Variants in CHD1L observed in about 807,000 individuals in gnomAD.
The protein encoded by CHD1L is chromodomain helicase DNA binding protein 1 like.
Under a neutral mutation model 115.9 loss-of-function variants are expected in CHD1L, and 118 were observed. That is an observed-to-expected ratio of 1.02 (90% confidence interval 0.88 to 1.19). The LOEUF (loss-of-function observed/expected upper bound fraction) is 1.19, where lower values mean the gene tolerates loss of function less well. Ranked by LOEUF, CHD1L falls within the 50% of genes most tolerant of loss-of-function variation. The pLI is 0.00. For synonymous variants in CHD1L, 411 were observed against 387.1 expected (o/e 1.06, Z -0.72); for missense variants, 1,179 against 1,065.3 (o/e 1.11, Z -1.49).
the CHD1L span, chr1:147,203,897 T>C: frequency 4.6e-4 from 720 of 1,575,870 alleles, 4 homozygotes; most frequent in South Asian, 5.0e-3. Context: ...ACTGTCTCAG[T>C]GTCCCATTTC....
the CHD1L span, chr1:147,190,276 T>A: frequency 7.3e-7 from 1 of 1,366,830 alleles, no homozygotes; most frequent in Non-Finnish European, 1.0e-6. Flanking sequence ...ACATTTTAAC[T>A]GTAAAATTAC....
At chr1:147,291,372 G>T in intron 19 of CHD1L, 110 bp from the exon 20 acceptor site, 1 of 852,590 alleles carries the variant, frequency 1.2e-6, no homozygotes. Context: ...GGCTGTGTAG[G>T]AAGGTGGGTC....
intron 6 of CHD1L, 36 bp downstream of exon 6, chr1:147,259,954 C>A (rs782804761): frequency 2.1e-6 from 3 of 1,457,348 alleles, no homozygotes; most frequent in East Asian, 2.3e-5. Context: ...TTTATATAAC[C>A]CCTTCTTTTT....
At chr1:147,288,844 A>G (rs1183035376) in intron 19 of CHD1L, among the ~76,000 whole-genome samples, 1 of 152,170 alleles carries the variant, frequency 6.6e-6, no homozygotes, top group East Asian at 1.9e-4. Context: ...GGGAACTTAG[A>G]AGCCTGAACA....
the CHD1L span, among the ~76,000 whole-genome samples, chr1:147,214,466 C>CAA: frequency 0.058 from 8,530 of 148,272 alleles, 304 homozygotes; most frequent in African/African-American, 0.091. Flanking sequence ...AAACAAAAAA[C>CAA]AAAAAAAAAA....
At chr1:147,242,947 G>A in intron 1 of CHD1L, 117 bp downstream of exon 1, 1 of 1,159,196 alleles carries the variant, frequency 8.6e-7, no homozygotes, top group East Asian at 3.2e-5. Context: ...CTCGCGCCAG[G>A]GCCTTCCTTC....
At chr1:147,190,990 A>C in the CHD1L span, among the ~76,000 whole-genome samples, 1 of 152,014 alleles carries the variant, frequency 6.6e-6, no homozygotes, top group African/African-American at 2.4e-5. Flanking sequence ...AGTTTAATCC[A>C]TGTCCCTACA....
At chr1:147,286,259 T>C (rs1553965541) in intron 17 of CHD1L, 39 bp from the exon 18 acceptor site, 2 of 1,590,282 alleles carry the variant, frequency 1.3e-6, no homozygotes, top group Non-Finnish European at 8.6e-7. Flanking sequence ...AAATTGTGAT[T>C]GTCTGGGTTA....
rs782403411 is a variant in CHD1L, at chr1:147,255,024, T to A, written c.347+48T>A. On this transcript the variant is annotated intron_variant, in intron 3 of 22. Coordinates refer to ENST00000369258, the MANE Select transcript of CHD1L (RefSeq NM_004284.6). ...ATTTTATTGTTTATCTTGATTAAGATTTTTTTTCTGGATGATGTATAAAAT... is the reference window on the plus strand; with the variant it reads ...ATTTTATTGTTTATCTTGATTAAGAATTTTTTTCTGGATGATGTATAAAAT... The A allele has an allele frequency of 4.4e-6, 6 of 1,370,294 alleles. No individual in the cohort carries two copies. In the Admixed American group the frequency reaches 1.5e-4, roughly 33 times the overall value. 84.9% of individuals were successfully genotyped at this position (1,370,294 alleles called of 1,614,324 possible).
At chr1:147,255,173 A>G (rs1236866451) in intron 3 of CHD1L, among the ~76,000 whole-genome samples, 197 bp downstream of exon 3, 1 of 152,224 alleles carries the variant, frequency 6.6e-6, no homozygotes, top group Non-Finnish European at 1.5e-5. Context: ...TTGGCAATTT[A>G]AAGGTCAGCA....
chr1:147,204,193 A>C, the CHD1L span: 1 of 1,368,282 alleles, frequency 7.3e-7, no homozygotes, highest in Non-Finnish European at 1.0e-6. Context: ...TTATCATGCC[A>C]TCAAAAGGAC....
the CHD1L span, among the ~76,000 whole-genome samples, chr1:147,226,873 C>T: frequency 1.3e-5 from 2 of 151,268 alleles, no homozygotes; most frequent in South Asian, 4.2e-4. Flanking sequence ...CACTCTGGCA[C>T]TTGGGCTGGA....
chr1:147,195,760 T>C, the CHD1L span, among the ~76,000 whole-genome samples: 4 of 152,270 alleles, frequency 2.6e-5, no homozygotes, highest in Admixed American at 2.6e-4. Flanking sequence ...CTCCATAAAA[T>C]TGTGGAATAT....
chr1:147,280,738 G>T (rs192293801), intron 15 of CHD1L, among the ~76,000 whole-genome samples: 1 of 151,900 alleles, frequency 6.6e-6, no homozygotes, highest in East Asian at 1.9e-4. Flanking sequence ...TTGTCATTTT[G>T]TTCTTTTCTA....
intron 12 of CHD1L, among the ~76,000 whole-genome samples, chr1:147,274,388 C>A (rs929191768): frequency 2.0e-5 from 3 of 152,188 alleles, no homozygotes; most frequent in African/African-American, 4.8e-5. Context: ...GTTCCAACTT[C>A]AACTTGATAC....
chr1:147,245,312 C>A (rs1666248823), intron 1 of CHD1L, among the ~76,000 whole-genome samples: 1 of 152,204 alleles, frequency 6.6e-6, no homozygotes, highest in South Asian at 2.1e-4. Context: ...GGATTTTCCG[C>A]TTCCCACTTA....
intron 1 of CHD1L, chr1:147,243,143 T>C (rs1467341809): frequency 4.4e-6 from 1 of 225,714 alleles, no homozygotes; most frequent in Non-Finnish European, 8.6e-6. Flanking sequence ...CGCTGAAGAG[T>C]TGGACGGCCT....
rs79646128 is a variant in CHD1L at position 147,267,811 on chromosome 1, A to T, written c.988+293A>T. On this transcript the variant is annotated intron_variant, in intron 9 of 22. Coordinates refer to ENST00000369258, the MANE Select transcript of CHD1L (RefSeq NM_004284.6). ...CTTTATTCTTCTATAATCTAGAAAC[A>T]TTCTTCAGCGTTTTTTTTCTTTCAT... Among the ~76,000 whole-genome samples the T allele has an allele frequency of 5.9e-3, 897 of 152,270 alleles. 4 individuals are homozygous for T. Among genetic ancestry groups the T allele is most frequent in the Non-Finnish European group, 9.3e-3 (634 of 68,010 alleles).
the CHD1L span, chr1:147,203,800 C>T: frequency 5.9e-5 from 92 of 1,548,642 alleles, 2 homozygotes; most frequent in East Asian, 1.8e-3. Context: ...CTGTAGAGCC[C>T]CGAAGTACTA....
Sources: allele counts gnomAD v4.1 joint callset (sites outside exome capture counted in the v4.1 genomes callset), GRCh38; gene constraint gnomAD v4.1.1; transcripts MANE v1.5; gene names NCBI Gene and HGNC (gene_info 2026-07-23, HGNC 2026-07-21).